Variants in PHF8 observed in about 807,000 individuals in gnomAD.
PHF8 encodes histone lysine demethylase PHF8.
Under a neutral mutation model 74.4 loss-of-function variants are expected in PHF8, and 9 were observed. The observed-to-expected ratio is 0.12, with a 90% CI of 0.07 to 0.21. The LOEUF is 0.21. Ranked by LOEUF, PHF8 falls within the 10% of genes least tolerant of loss-of-function variation. The pLI, the probability that PHF8 is intolerant of heterozygous loss-of-function variation, is 1.00. For synonymous variants in PHF8, 311 were observed against 316.6 expected (o/e 0.98, Z 0.19); for missense variants, 478 against 816.6 (o/e 0.59, Z 5.05).
intron 18 of PHF8, among the ~76,000 whole-genome samples, chrX:53,983,780 T>C (rs1362264110): frequency 2.7e-5 from 3 of 112,323 alleles, no homozygotes; most frequent in African/African-American, 9.7e-5. Flanking sequence ...TATATTTCTA[T>C]ATTACAGAAC....
At position 53,938,090 on chromosome X, in the gene PHF8, G is replaced by T; in HGVS notation, c.*1068C>A. On this transcript the variant is annotated 3_prime_UTR_variant, in exon 22 of 22. Coordinates refer to ENST00000338154, the MANE Select transcript of PHF8 (RefSeq NM_015107.3). ...AGTGCAAAGGCCCAGGAGTGAAGATGTGAGTCCTGAGGTCTTCTTCAGACC... is the reference window on the plus strand; with the variant it reads ...AGTGCAAAGGCCCAGGAGTGAAGATTTGAGTCCTGAGGTCTTCTTCAGACC... 1.7e-6 allele frequency: 2 copies of T among 1,160,396 alleles called. No homozygotes were observed. Among genetic ancestry groups the T allele is most frequent in the Admixed American group, 5.2e-5 (2 of 38,411 alleles).
At chrX:54,028,654 C>T (rs1424819013) in intron 2 of PHF8, among the ~76,000 whole-genome samples, 2 of 111,498 alleles carry the variant, frequency 1.8e-5, no homozygotes, top group Non-Finnish European at 3.8e-5. Context: ...TTCAACATGT[C>T]CAAACTCAGT....
In PHF8 at chrX:54,011,228, C is replaced by T; in HGVS notation, c.840G>A (p.Glu280=). ...RPTNANLTLF[E]CWSSSSNQNE... ...TCTGATTAGAGGAACTGCTCCAGCACTCAAAGAGAGTCAGATTGGCATTTG... is the reference window on the plus strand; with the variant it reads ...TCTGATTAGAGGAACTGCTCCAGCATTCAAAGAGAGTCAGATTGGCATTTG... The change falls in exon 8 of 22, where the codon GAG becomes GAA. Residue 280 remains glutamate (E), a synonymous_variant. Coordinates refer to ENST00000338154, the MANE Select transcript of PHF8 (RefSeq NM_015107.3). The T allele has an allele frequency of 8.3e-7, 1 of 1,208,480 alleles. No homozygotes were observed.
At chrX:53,956,491 T>C (rs1285952551) in intron 19 of PHF8, among the ~76,000 whole-genome samples, 6 of 111,620 alleles carry the variant, frequency 5.4e-5, no homozygotes, top group African/African-American at 2.0e-4. Flanking sequence ...CAGTACCATA[T>C]ATTAAGCAAT....
Position 54,022,327 on chromosome X carries a change from G to A in PHF8, c.225C>T (p.His75=), listed in dbSNP as rs1022000785. Residue 75 remains histidine (H), a synonymous_variant, in exon 4 of 22, where the codon CAC becomes CAT. Coordinates refer to ENST00000338154, the MANE Select transcript of PHF8 (RefSeq NM_015107.3). ...TCCCGGTCTTCACTGGTTTCCCCTT[G>A]TGTGTATCATGCCCCTTTGAAGATC... is the stretch of plus-strand genomic sequence containing the variant. ...RRGSSKGHDT[H]KGKPVKTGSP... is the part of the protein sequence containing the mutation. The A allele has an allele frequency of 3.3e-6, 4 of 1,206,508 alleles. No homozygotes were observed. The highest frequency in any genetic ancestry group is 2.2e-5 in the Admixed American group (1 of 45,978).
In PHF8 at chrX:53,937,768, G is replaced by T; in HGVS notation, c.*1390C>A. 5.2e-6 allele frequency: 2 copies of T among 387,218 alleles called. No individual in the cohort carries two copies. The highest frequency in any genetic ancestry group is 4.3e-5 in the Admixed American group (1 of 23,187). 31.9% of individuals were successfully genotyped at this position (387,218 alleles called of 1,213,427 possible). A position where few individuals can be genotyped will look rare whatever the true frequency, so the allele number is the denominator to read the frequency against. On this transcript the variant is annotated 3_prime_UTR_variant, in exon 22 of 22. Coordinates refer to ENST00000338154, the MANE Select transcript of PHF8 (RefSeq NM_015107.3). ...TAAATTCCCCAGAAGCATTGGGCAA[G>T]CTGGGGTGAGGTTGGAGTGGGTGGT...
Position 53,987,802 on chromosome X carries a change from A to G in PHF8, c.1873T>C (p.Leu625=). 8.3e-7 allele frequency: 1 copy of G among 1,207,676 alleles called. No individual in the cohort carries two copies. Among genetic ancestry groups the G allele is most frequent in the South Asian group, 1.8e-5 (1 of 56,121 alleles). The change falls in exon 15 of 22, where the codon TTG becomes CTG. Residue 625 remains leucine (L), a synonymous_variant. Coordinates refer to ENST00000338154, the MANE Select transcript of PHF8 (RefSeq NM_015107.3). ...ATCAGGGTCGCCTTCTCCTTTCCCA[A>G]TCTCTCGTCAATCTGCAGCTCATCA... The part of the protein sequence containing the change: ...SDDELQIDER[L]GKEKATLIIR...
At chrX:54,032,486 T>C (rs1812276315) in intron 2 of PHF8, among the ~76,000 whole-genome samples, 1 of 110,436 alleles carries the variant, frequency 9.1e-6, no homozygotes, top group South Asian at 3.9e-4. Context: ...GAAACACTCT[T>C]CCCCTACTTA....
intron 19 of PHF8, among the ~76,000 whole-genome samples, chrX:53,951,062 CCAAA>C (rs1403373031): frequency 8.9e-6 from 1 of 112,134 alleles, no homozygotes; most frequent in East Asian, 2.8e-4. Context: ...TGATGTCTCA[CCAAA>C]CAGAGAATAC....
intron 2 of PHF8, among the ~76,000 whole-genome samples, chrX:54,034,322 GAAC>G (rs1408480269): frequency 1.6e-4 from 18 of 111,618 alleles, no homozygotes; most frequent in Non-Finnish European, 3.4e-4. Flanking sequence ...ACCTCAAGGA[GAAC>G]ACCAATTTGA....
intron 18 of PHF8, among the ~76,000 whole-genome samples, chrX:53,981,510 T>C (rs960350407): frequency 9.0e-6 from 1 of 111,089 alleles, no homozygotes; most frequent in Non-Finnish European, 1.9e-5. Context: ...CATTTCCCTC[T>C]GTTTTTTTTT....
intron 2 of PHF8, 57 bp from the exon 3 acceptor site, chrX:54,022,900 G>T: frequency 1.5e-6 from 1 of 680,067 alleles, no homozygotes; most frequent in Non-Finnish European, 2.4e-6. Flanking sequence ...ATGAGGTCTA[G>T]AACAGTGCTG....
chrX:54,045,323 A>G (rs1557117257), upstream of PHF8: 2 of 123,867 alleles, frequency 1.6e-5, no homozygotes. Flanking sequence ...GGTTTTCTCA[A>G]ACATTCTAGA....
rs1180996352 is a variant in PHF8 at position 54,008,424 on chromosome X, C to CACGCCTGTA, written c.946+2689_946+2697dup. Among the ~76,000 whole-genome samples, 3 of 105,523 alleles carry CACGCCTGTA rather than the reference C, an allele frequency of 2.8e-5. No homozygotes were observed. The East Asian group carries it at 8.8e-4, about 31-fold the overall frequency. The allele number at this position is 105,523 out of a possible 115,157, so 91.6% of individuals were successfully genotyped here. On this transcript the variant is annotated intron_variant, in intron 8 of 21. Coordinates refer to ENST00000338154, the MANE Select transcript of PHF8 (RefSeq NM_015107.3). ...CACTCGCCAGGGAGCAGGAGTAGCT[C>CACGCCTGTA]ACGCCTGTAATCCCAGCACTCTGGG...
At chrX:53,948,067 A>G (rs1038806346) in intron 19 of PHF8, among the ~76,000 whole-genome samples, 6 of 111,967 alleles carry the variant, frequency 5.4e-5, no homozygotes, top group Admixed American at 1.9e-4. Context: ...CACAGAATAC[A>G]TGAACATAAG....
intron 2 of PHF8, among the ~76,000 whole-genome samples, chrX:54,030,123 T>C (rs889019385): frequency 9.0e-6 from 1 of 111,323 alleles, no homozygotes; most frequent in African/African-American, 3.3e-5. Context: ...CCACGAGGCC[T>C]TGGAATTGCT....
intron 15 of PHF8, 71 bp from the exon 16 acceptor site, chrX:53,987,234 A>C: frequency 1.5e-6 from 1 of 659,808 alleles, no homozygotes. Context: ...AGAAGAAAAA[A>C]ATAAGACTAA....
At chrX:54,046,399 A>G (rs2146537075), upstream of PHF8, among the ~76,000 whole-genome samples, 2 of 110,405 alleles carry the variant, frequency 1.8e-5, no homozygotes, top group East Asian at 5.7e-4. Flanking sequence ...CCTGGCCAAC[A>G]TGGTGAAACG....
chrX:53,974,274 A>G (rs782635012), intron 18 of PHF8, among the ~76,000 whole-genome samples: 4 of 111,842 alleles, frequency 3.6e-5, no homozygotes, highest in Admixed American at 2.8e-4. Flanking sequence ...TCAAAAAAAA[A>G]AAGAAGAAGA....
Sources: allele counts gnomAD v4.1 joint callset (sites outside exome capture counted in the v4.1 genomes callset), GRCh38; gene constraint gnomAD v4.1.1; transcripts MANE v1.5; gene names NCBI Gene and HGNC (gene_info 2026-07-23, HGNC 2026-07-21).